Variants in NCAM2 observed in about 807,000 individuals in gnomAD.
NCAM2 encodes neural cell adhesion molecule 2, also known as N-CAM-2.
Under a neutral mutation model 98.1 loss-of-function variants are expected in NCAM2, and 30 were observed. The ratio of observed to expected loss-of-function variants is 0.31; its 90% CI spans 0.23 to 0.41. The LOEUF (loss-of-function observed/expected upper bound fraction) is 0.41. Ranked by LOEUF, NCAM2 falls within the 10% of genes least tolerant of loss-of-function variation. The pLI is 1.00. For synonymous variants in NCAM2, 368 were observed against 342.4 expected (o/e 1.07, Z -0.83); for missense variants, 867 against 1,005.8 (o/e 0.86, Z 1.87).
chr21:21,356,088 T>C (rs1437207754), intron 8 of NCAM2, among the ~76,000 whole-genome samples: 2 of 152,186 alleles, frequency 1.3e-5, no homozygotes, highest in South Asian at 2.1e-4. Flanking sequence ...TAAAATATTT[T>C]GCAGACTAAA....
At chr21:21,145,431 A>G (rs1432720197) in intron 1 of NCAM2, among the ~76,000 whole-genome samples, 2 of 152,214 alleles carry the variant, frequency 1.3e-5, no homozygotes, top group African/African-American at 4.8e-5. Context: ...TGTCACCACA[A>G]TGATGATAAC....
intron 1 of NCAM2, among the ~76,000 whole-genome samples, chr21:21,065,518 TCTC>T (rs1205530784): frequency 2.0e-5 from 3 of 152,208 alleles, no homozygotes; most frequent in Non-Finnish European, 4.4e-5. Flanking sequence ...TACTTTTTAT[TCTC>T]CTCATTTTTG....
intron 1 of NCAM2, among the ~76,000 whole-genome samples, chr21:21,236,006 G>C (rs2070805356): frequency 6.6e-6 from 1 of 152,004 alleles, no homozygotes; most frequent in Non-Finnish European, 1.5e-5. Context: ...ATGAATGCTT[G>C]AATGAAGTCA....
At chr21:21,472,395 A>C (rs1984557257) in intron 14 of NCAM2, among the ~76,000 whole-genome samples, 1 of 152,026 alleles carries the variant, frequency 6.6e-6, no homozygotes, top group Admixed American at 6.6e-5. Flanking sequence ...TTCTTAAGAA[A>C]ACATTTTCCA....
chr21:21,447,118 A>T (rs1272996369), intron 12 of NCAM2, among the ~76,000 whole-genome samples: 1 of 152,146 alleles, frequency 6.6e-6, no homozygotes, highest in Admixed American at 6.6e-5. Context: ...AAAAGAACAA[A>T]GCTAGAGGCA....
intron 1 of NCAM2, among the ~76,000 whole-genome samples, chr21:21,106,880 T>C (rs2066360311): frequency 6.6e-6 from 1 of 152,158 alleles, no homozygotes; most frequent in Non-Finnish European, 1.5e-5. Context: ...AGTCAATCTT[T>C]GAAAAACAGT....
chr21:21,454,276 A>G (rs1019141613), intron 12 of NCAM2, among the ~76,000 whole-genome samples: 1 of 152,076 alleles, frequency 6.6e-6, no homozygotes, highest in African/African-American at 2.4e-5. Context: ...ATTAAATTGT[A>G]TATATGGAGT....
At chr21:21,170,249 C>T (rs1275532882) in intron 1 of NCAM2, among the ~76,000 whole-genome samples, 1 of 152,136 alleles carries the variant, frequency 6.6e-6, no homozygotes, top group Non-Finnish European at 1.5e-5. Context: ...AGTTTTACTC[C>T]TTGGTATTAC....
intron 5 of NCAM2, among the ~76,000 whole-genome samples, chr21:21,297,221 C>A (rs776023398): frequency 6.6e-6 from 1 of 151,608 alleles, no homozygotes; most frequent in Non-Finnish European, 1.5e-5. Context: ...TGAGTAAGGA[C>A]GTGCATAAAT....
intron 1 of NCAM2, among the ~76,000 whole-genome samples, chr21:21,215,770 G>T (rs1180624172): frequency 1.3e-5 from 2 of 152,026 alleles, no homozygotes; most frequent in Non-Finnish European, 2.9e-5. Context: ...GTGTGTGTGT[G>T]TATGTACATG....
intron 5 of NCAM2, among the ~76,000 whole-genome samples, chr21:21,312,284 TAA>T (rs1348172372): frequency 6.6e-6 from 1 of 151,752 alleles, no homozygotes; most frequent in Non-Finnish European, 1.5e-5. Flanking sequence ...TTTAAACTGT[TAA>T]GTTGGATAAA....
At chr21:21,113,729 C>G (rs556408095) in intron 1 of NCAM2, among the ~76,000 whole-genome samples, 1 of 152,176 alleles carries the variant, frequency 6.6e-6, no homozygotes, top group African/African-American at 2.4e-5. Flanking sequence ...TCAGTTTATC[C>G]TAAATAGAAC....
intron 11 of NCAM2, among the ~76,000 whole-genome samples, chr21:21,420,090 A>G (rs2077080640): frequency 6.6e-6 from 1 of 152,196 alleles, no homozygotes; most frequent in Non-Finnish European, 1.5e-5. Context: ...GAAAAAATTA[A>G]AAAGCAAAAC....
At chr21:21,104,241 C>T (rs959599672) in intron 1 of NCAM2, among the ~76,000 whole-genome samples, 5 of 151,950 alleles carry the variant, frequency 3.3e-5, no homozygotes, top group Admixed American at 6.6e-5. Context: ...ACCGTAGAGA[C>T]GTAAGTTGTT....
chr21:21,527,747 A>G (rs150909904), intron 16 of NCAM2, among the ~76,000 whole-genome samples: 33 of 152,306 alleles, frequency 2.2e-4, no homozygotes, highest in Middle Eastern at 3.4e-3. Flanking sequence ...TTCATTGCTG[A>G]TGGAAATGCA....
intron 1 of NCAM2, among the ~76,000 whole-genome samples, chr21:21,030,347 C>A (rs1046511900): frequency 5.3e-5 from 8 of 152,174 alleles, no homozygotes; most frequent in Non-Finnish European, 1.2e-4. Context: ...TAATTTTCTA[C>A]TGCTGTTGTC....
chr21:21,482,981 G>A (rs1485556166), intron 15 of NCAM2, among the ~76,000 whole-genome samples: 1 of 151,878 alleles, frequency 6.6e-6, no homozygotes, highest in Non-Finnish European at 1.5e-5. Flanking sequence ...GGATTTCAAG[G>A]CTGATAGCAT....
intron 11 of NCAM2, among the ~76,000 whole-genome samples, chr21:21,431,524 A>C (rs539457779): frequency 5.9e-5 from 9 of 152,242 alleles, no homozygotes; most frequent in African/African-American, 2.2e-4. Flanking sequence ...TTAATATCTC[A>C]ACTAAAGGTT....
chr21:21,397,915 A>G (rs1248504949), intron 9 of NCAM2, among the ~76,000 whole-genome samples: 1 of 152,186 alleles, frequency 6.6e-6, no homozygotes, highest in Non-Finnish European at 1.5e-5. Flanking sequence ...TAGATCCACT[A>G]TTTTTCCAAC....
Sources: gnomAD v4.1 joint callset for allele counts (sites outside exome capture counted in the v4.1 genomes callset) on GRCh38, gnomAD v4.1.1 for gene constraint, MANE v1.5 for transcripts, NCBI Gene and HGNC (gene_info 2026-07-23, HGNC 2026-07-21) for gene names.